CSMD1: variants seen among roughly 807,000 people sequenced by gnomAD.
The protein encoded by CSMD1 is CUB and Sushi multiple domains 1.
In CSMD1, 213 loss-of-function variants were observed where a neutral mutation model predicts 417.5. That is an observed-to-expected ratio of 0.51 (90% CI 0.46 to 0.57). The LOEUF (loss-of-function observed/expected upper bound fraction) is 0.57, where lower values mean the gene tolerates loss of function less well. CSMD1 is among the 20% of genes least tolerant of loss of function. The probability of loss-of-function intolerance (pLI) is 0.00; values close to 1 mark genes in which losing one functional copy is unlikely to be tolerated. For synonymous variants in CSMD1, 2,862 were observed against 1,736.8 expected, an observed-to-expected ratio of 1.65 and a Z score of -16.11; for missense variants, 6,923 against 4,529.7, an observed-to-expected ratio of 1.53 and a Z score of -15.17.
chr8:3,643,355 T>C (rs17066715), intron 7 of CSMD1, among the ~76,000 whole-genome samples: 4,555 of 151,588 alleles, frequency 0.03, 117 homozygotes, highest in African/African-American at 0.071. Context: ...ACTGAAGAAA[T>C]GGGGTTTACA....
intron 3 of CSMD1, among the ~76,000 whole-genome samples, chr8:4,251,614 C>G (rs951714847): frequency 6.6e-6 from 1 of 152,146 alleles, no homozygotes; most frequent in African/African-American, 2.4e-5. Flanking sequence ...GGTTTCATGT[C>G]TGGATATTAC....
In CSMD1 at chr8:3,162,579, T is replaced by G. The variant is rs145688118; in HGVS notation, c.5726-302A>C. Among the ~76,000 whole-genome samples the G allele has an allele frequency of 3.3e-3, 508 of 152,264 alleles. 2 individuals carry two copies. The highest frequency in any genetic ancestry group is 0.012 in the African/African-American group (492 of 41,554). On this transcript the variant is annotated intron_variant, in intron 37 of 69. Coordinates refer to ENST00000635120, the MANE Select transcript of CSMD1 (RefSeq NM_033225.6). Reference sequence around the variant, plus strand: ...TCCCAACTTCAATATATACATATTGTAAAAAGTCTCTTCAAAAATTGTGTT... The same window carrying G: ...TCCCAACTTCAATATATACATATTGGAAAAAGTCTCTTCAAAAATTGTGTT...
At chr8:4,117,196 G>A (rs1802204372) in intron 3 of CSMD1, among the ~76,000 whole-genome samples, 1 of 151,472 alleles carries the variant, frequency 6.6e-6, no homozygotes, top group African/African-American at 2.4e-5. Flanking sequence ...ATGGTTGCTG[G>A]AATGGCTTCC....
chr8:3,923,799 C>A (rs1215959149), intron 5 of CSMD1, among the ~76,000 whole-genome samples: 2 of 152,202 alleles, frequency 1.3e-5, no homozygotes, highest in Non-Finnish European at 2.9e-5. Context: ...ATAGTTACCA[C>A]TGTTCTACTC....
chr8:3,989,458 T>C (rs984258096), intron 5 of CSMD1, among the ~76,000 whole-genome samples: 2 of 152,104 alleles, frequency 1.3e-5, no homozygotes, highest in Non-Finnish European at 2.9e-5. Context: ...CTGGAACGAG[T>C]TGTGGTAACA....
chr8:3,451,575 C>G (rs1294451396), intron 12 of CSMD1, among the ~76,000 whole-genome samples: 5 of 152,190 alleles, frequency 3.3e-5, no homozygotes, highest in East Asian at 1.9e-4. Context: ...AATAGGGAAT[C>G]CTTTCCCCAT....
chr8:4,160,164 TACTG>T (rs1335097459), intron 3 of CSMD1, among the ~76,000 whole-genome samples: 2 of 152,174 alleles, frequency 1.3e-5, no homozygotes, highest in Admixed American at 6.5e-5. Context: ...AATTATGATT[TACTG>T]ACTAAGACTT....
intron 1 of CSMD1, among the ~76,000 whole-genome samples, chr8:4,824,216 T>A (rs1259886772): frequency 1.3e-5 from 2 of 152,114 alleles, no homozygotes; most frequent in African/African-American, 4.8e-5. Flanking sequence ...TAACATGTAA[T>A]GTTATAGATT....
intron 3 of CSMD1, among the ~76,000 whole-genome samples, chr8:4,366,285 G>T (rs755842013): frequency 6.6e-5 from 10 of 151,354 alleles, no homozygotes; most frequent in Non-Finnish European, 1.3e-4. Context: ...GCTGCATAGT[G>T]TCTCACTTTG....
chr8:4,407,152 G>C (rs535040215), intron 3 of CSMD1, among the ~76,000 whole-genome samples: 1 of 152,152 alleles, frequency 6.6e-6, no homozygotes, highest in Non-Finnish European at 1.5e-5. Context: ...AAAGCCAAAA[G>C]AGTAACTCTG....
At chr8:4,275,581 G>C (rs1714694) in intron 3 of CSMD1, among the ~76,000 whole-genome samples, 1 of 152,092 alleles carries the variant, frequency 6.6e-6, no homozygotes, top group African/African-American at 2.4e-5. Context: ...AATTGGCATA[G>C]ATAAAAGGTA....
intron 3 of CSMD1, among the ~76,000 whole-genome samples, chr8:4,078,681 T>G (rs944244571): frequency 6.6e-5 from 10 of 151,306 alleles, no homozygotes; most frequent in African/African-American, 2.2e-4. Context: ...CTTGCTGTAT[T>G]CTTGCTAATA....
chr8:4,698,701 G>C (rs746332049), intron 1 of CSMD1, among the ~76,000 whole-genome samples: 2 of 151,104 alleles, frequency 1.3e-5, no homozygotes, highest in African/African-American at 2.4e-5. Context: ...CTGTACGGGG[G>C]AGCATTTTCC....
At position 4,624,578 on chromosome 8, in the gene CSMD1, G is replaced by A. The variant is rs75948189; in HGVS notation, c.302+12764C>T. Among the ~76,000 whole-genome samples the A allele has an allele frequency of 8.9e-4, 136 of 152,290 alleles. 5 individuals are homozygous for A. In the East Asian group the frequency reaches 0.022, roughly 24 times the overall value. The stretch of plus-strand genomic sequence containing the variant: ...TTTCACATATTGAAGATTCTTTGCT[G>A]CTGATGAACAATGGAAGATCCACGA... On this transcript the variant is annotated intron_variant, in intron 2 of 69. Transcript: ENST00000635120.
chr8:4,293,387 C>A (rs186743217), intron 3 of CSMD1, among the ~76,000 whole-genome samples: 1 of 152,300 alleles, frequency 6.6e-6, no homozygotes, highest in East Asian at 1.9e-4. Context: ...TTGAGCAACT[C>A]TTAAGCTCCT....
In CSMD1 at chr8:4,008,673, C is replaced by T. The variant is rs1278697905; in HGVS notation, c.611-10563G>A. On this transcript the variant is annotated intron_variant, in intron 4 of 69. Coordinates refer to ENST00000635120, the MANE Select transcript of CSMD1 (RefSeq NM_033225.6). ...TCGCCCAGGCTGGAGTGCAGTGGTG[C>T]GATCTCAGGTAACTGCAAGCTCCCC... Among the ~76,000 whole-genome samples the T allele has an allele frequency of 3.2e-5, 4 of 123,526 alleles. No homozygotes were observed. The East Asian group carries it at 7.4e-4, about 23-fold the overall frequency. The allele number at this position is 123,526 out of a possible 152,430, so 81.0% of individuals were successfully genotyped here.
chr8:4,903,560 C>G (rs1182125730), intron 1 of CSMD1, among the ~76,000 whole-genome samples: 3 of 152,192 alleles, frequency 2.0e-5, no homozygotes, highest in African/African-American at 7.2e-5. Flanking sequence ...CATGTGGTCT[C>G]TCTGGTGGCA....
chr8:3,468,166 G>C (rs577925317), intron 12 of CSMD1, among the ~76,000 whole-genome samples: 1 of 152,096 alleles, frequency 6.6e-6, no homozygotes, highest in Non-Finnish European at 1.5e-5. Context: ...AATAATTAAT[G>C]GGATCTTTTT....
At chr8:4,395,939 A>T (rs1364975262) in intron 3 of CSMD1, among the ~76,000 whole-genome samples, 3 of 152,194 alleles carry the variant, frequency 2.0e-5, no homozygotes, top group Admixed American at 6.5e-5. Flanking sequence ...AACCGTTGAA[A>T]TATTCCCCAT....
Sources: gnomAD v4.1 joint callset for allele counts (sites outside exome capture counted in the v4.1 genomes callset) on GRCh38, gnomAD v4.1.1 for gene constraint, MANE v1.5 for transcripts, NCBI Gene and HGNC (gene_info 2026-07-23, HGNC 2026-07-21) for gene names.